Variants in MROH2B observed in about 807,000 individuals in gnomAD.
The protein encoded by MROH2B is maestro heat-like repeat-containing protein family member 2B.
In MROH2B, 177 loss-of-function variants were observed where a neutral mutation model predicts 208.6. The ratio of observed to expected loss-of-function variants is 0.85; its 90% CI spans 0.75 to 0.96. The LOEUF (loss-of-function observed/expected upper bound fraction) is 0.96, where lower values mean the gene tolerates loss of function less well. Among genes scored for constraint, MROH2B ranks in the 40% least tolerant of loss-of-function variants. MROH2B has a pLI of 0.00. For missense variants in MROH2B, 2,002 were observed against 1,878.7 expected (o/e 1.07, Z -1.21); for synonymous variants, 728 against 659.0 (o/e 1.10, Z -1.60).
In MROH2B at chr5:41,000,669, A is replaced by C. The variant is rs1741367470; in HGVS notation, c.4350+9T>G. 6.2e-7 allele frequency: 1 copy of C among 1,606,464 alleles called. No homozygotes were observed. The highest frequency in any genetic ancestry group is 1.7e-5 in the Admixed American group (1 of 59,322). ...GCAGGAGGTGCAGGTGTCTGTGGAG[A>C]GCACTTACAACTCCAATCTTGGGGT... On this transcript the variant is annotated intron_variant, in intron 38 of 41. Coordinates refer to ENST00000399564, the MANE Select transcript of MROH2B (RefSeq NM_173489.5).
intron 39 of MROH2B, 172 bp downstream of exon 39, chr5:41,000,048 G>C: frequency 1.2e-6 from 1 of 852,480 alleles, no homozygotes; most frequent in Non-Finnish European, 1.8e-6. Context: ...AGAGGGTCCT[G>C]TGGCAGGATA....
chr5:41,062,143 T>C (rs553526183), intron 5 of MROH2B, among the ~76,000 whole-genome samples: 21 of 151,954 alleles, frequency 1.4e-4, no homozygotes, highest in South Asian at 6.2e-4. Flanking sequence ...CACTAAAAGT[T>C]TGTACAAGAA....
rs765556169 is a variant in MROH2B, at chr5:41,018,707, C to T, written c.2657G>A (p.Cys886Tyr). 6.2e-7 allele frequency: 1 copy of T among 1,613,914 alleles called. No individual in the cohort carries two copies. Among genetic ancestry groups the T allele is most frequent in the South Asian group, 1.1e-5 (1 of 91,086 alleles). ...TCTACTCACATTAAACATTTCTTGA[C>T]AGTCCTCTGCATTCACATTATCCCA... Reference protein sequence around the residue: ...MMWDNVNAEDCQEMFNLLQMW... With the variant: ...MMWDNVNAEDYQEMFNLLQMW... Residue 886 changes from cysteine (C) to tyrosine (Y), a missense_variant, in exon 26 of 42, where the codon TGT becomes TAT. Transcript: ENST00000399564.
At chr5:41,065,259 G>A (rs1743765512) in intron 4 of MROH2B, 72 bp downstream of exon 4, 7 of 1,408,864 alleles carry the variant, frequency 5.0e-6, no homozygotes, top group Non-Finnish European at 5.8e-6. Context: ...TCTACCGTTT[G>A]CTCCCATTTA....
chr5:41,028,242 C>T (rs1307684852), intron 24 of MROH2B, among the ~76,000 whole-genome samples: 1 of 152,120 alleles, frequency 6.6e-6, no homozygotes, highest in Non-Finnish European at 1.5e-5. Flanking sequence ...TTGACCTAGC[C>T]ATCATCTCAC....
At chr5:41,058,350 A>G (rs1473249278) in intron 6 of MROH2B, 147 bp from the exon 7 acceptor site, 13 of 817,064 alleles carry the variant, frequency 1.6e-5, no homozygotes, top group Non-Finnish European at 2.1e-5. Flanking sequence ...TAAAATCTTT[A>G]AAAAATGTTC....
Position 41,038,895 on chromosome 5 carries a change from A to C in MROH2B, c.2062-7T>G. ...TTTTCCCAGAAAAAAGGCTCTGAAG[A>C]CCAGGAAAGGGAGACATGAAAAATG... On this transcript the variant is annotated splice_polypyrimidine_tract_variant and splice_region_variant and intron_variant, in intron 20 of 41. Transcript: ENST00000399564. The C allele has an allele frequency of 1.3e-6, 2 of 1,599,530 alleles. No homozygotes were observed. The highest frequency in any genetic ancestry group is 1.7e-6 in the Non-Finnish European group (2 of 1,174,774).
At chr5:41,000,094 C>A in intron 39 of MROH2B, 126 bp downstream of exon 39, 1 of 1,269,718 alleles carries the variant, frequency 7.9e-7, no homozygotes, top group African/African-American at 1.5e-5. Context: ...ATCAGGATAT[C>A]ACTGCCATCC....
At chr5:41,049,461 A>G (rs1743222782) in intron 13 of MROH2B, 25 bp from the exon 14 acceptor site, 2 of 1,595,634 alleles carry the variant, frequency 1.3e-6, no homozygotes, top group Admixed American at 3.6e-5. Flanking sequence ...GCATGATGCA[A>G]GGATTGCTTA....
intron 24 of MROH2B, among the ~76,000 whole-genome samples, chr5:41,021,312 C>A (rs563864787): frequency 3.9e-4 from 59 of 152,266 alleles, no homozygotes; most frequent in African/African-American, 1.4e-3. Flanking sequence ...GGAATGACAT[C>A]CTTTGTTCAC....
In MROH2B at chr5:41,052,486, A is replaced by T; in HGVS notation, c.1209T>A (p.Phe403Leu). ...ATACCAGATTCCTGTTCAACGTTGC[A>T]AACTGGGAGAAGACATAATCAATCA... ...WPLIDYVFSQFATLNRNLEKP... is the reference protein window; with the variant it reads ...WPLIDYVFSQLATLNRNLEKP... Residue 403 changes from phenylalanine (F) to leucine (L), a missense_variant, in exon 12 of 42, where the codon TTT (phenylalanine) becomes TTA (leucine). Transcript: ENST00000399564. 6.2e-7 allele frequency: 1 copy of T among 1,612,888 alleles called. No homozygotes were observed.
chr5:41,040,663 A>G (rs1742916276), intron 19 of MROH2B, among the ~76,000 whole-genome samples: 1 of 151,982 alleles, frequency 6.6e-6, no homozygotes, highest in South Asian at 2.1e-4. Context: ...GGACGTCACA[A>G]TTTTTATTTT....
At chr5:41,035,545 G>GA (rs1430296871) in intron 21 of MROH2B, among the ~76,000 whole-genome samples, 2 of 151,712 alleles carry the variant, frequency 1.3e-5, no homozygotes, top group Non-Finnish European at 2.9e-5. Flanking sequence ...CTACAGAATG[G>GA]AAAAAATATC....
intron 23 of MROH2B, 74 bp from the exon 24 acceptor site, chr5:41,032,895 C>T (rs975462420): frequency 1.1e-5 from 17 of 1,553,482 alleles, no homozygotes; most frequent in African/African-American, 1.4e-5. Context: ...GCAACCTCAT[C>T]AGACCATTGG....
At position 41,052,519 on chromosome 5, in the gene MROH2B, T is replaced by C. The variant is rs753902167; in HGVS notation, c.1176A>G (p.Gly392=). 5 of 1,612,306 alleles carry C rather than the reference T, an allele frequency of 3.1e-6. No homozygotes were observed. Among genetic ancestry groups the C allele is most frequent in the Admixed American group, 3.3e-5 (2 of 59,914 alleles). Residue 392 remains glycine (G), a synonymous_variant, in exon 12 of 42, where the codon GGA becomes GGG. Transcript: ENST00000399564. ...CEKSYIEARE[G]WPLIDYVFSQ... The stretch of plus-strand genomic sequence containing the variant: ...AGAAGACATAATCAATCAATGGCCA[T>C]CCTTCCCGAGCTTCAATATAGGACT...
At chr5:41,059,367 T>C (rs1490410921) in intron 6 of MROH2B, among the ~76,000 whole-genome samples, 2 of 152,142 alleles carry the variant, frequency 1.3e-5, no homozygotes, top group Non-Finnish European at 2.9e-5. Context: ...TAAACACTGG[T>C]ATATTTTAGT....
At chr5:41,017,421 A>G (rs539274913) in intron 28 of MROH2B, among the ~76,000 whole-genome samples, 1 of 152,234 alleles carries the variant, frequency 6.6e-6, no homozygotes, top group Non-Finnish European at 1.5e-5. Flanking sequence ...AAACCATGTG[A>G]TAGAGGAAGC....
chr5:41,051,508 A>C (rs1477860531), intron 12 of MROH2B: 1 of 152,940 alleles, frequency 6.5e-6, no homozygotes, highest in East Asian at 1.9e-4. Context: ...GCTGACCTCA[A>C]TTGTGTGATC....
intron 21 of MROH2B, among the ~76,000 whole-genome samples, chr5:41,035,808 C>CA (rs59118984): frequency 0.08 from 11,896 of 148,728 alleles, 519 homozygotes; most frequent in African/African-American, 0.12. Flanking sequence ...ACAAAGAAAG[C>CA]AAAAAAACAA....
Sources: allele counts gnomAD v4.1 joint callset (sites outside exome capture counted in the v4.1 genomes callset), GRCh38; gene constraint gnomAD v4.1.1; transcripts MANE v1.5; gene names NCBI Gene and HGNC (gene_info 2026-07-23, HGNC 2026-07-21).